MPP7: variants seen among roughly 807,000 people sequenced by gnomAD.
MPP7 encodes the protein MAGUK p55 scaffold protein 7.
Under a neutral mutation model 76.5 loss-of-function variants are expected in MPP7, and 60 were observed. The observed-to-expected ratio is 0.78, with a 90% CI of 0.64 to 0.97. The LOEUF (loss-of-function observed/expected upper bound fraction) is 0.97, where lower values mean the gene tolerates loss of function less well. MPP7 is among the 50% of genes least tolerant of loss of function. The pLI, the probability that MPP7 is intolerant of heterozygous loss-of-function variation, is 0.00. For missense variants in MPP7, 641 were observed against 694.0 expected (o/e 0.92, Z 0.86); for synonymous variants, 237 against 244.5 (o/e 0.97, Z 0.29).
intron 1 of MPP7, among the ~76,000 whole-genome samples, chr10:28,293,023 C>A: frequency 1.4e-5 from 2 of 146,460 alleles, no homozygotes; most frequent in African/African-American, 2.5e-5. Flanking sequence ...GAAATATTTC[C>A]TACACAAGAC....
At chr10:28,196,050 T>C (rs936024814) in intron 3 of MPP7, among the ~76,000 whole-genome samples, 1 of 152,246 alleles carries the variant, frequency 6.6e-6, no homozygotes, top group Non-Finnish European at 1.5e-5. Context: ...AAATATTGCA[T>C]GGTTCACACT....
intron 5 of MPP7, among the ~76,000 whole-genome samples, chr10:28,141,860 A>G (rs1287523214): frequency 2.0e-5 from 3 of 152,158 alleles, no homozygotes; most frequent in Non-Finnish European, 4.4e-5. Flanking sequence ...GTATCATGCT[A>G]CAATTACTAA....
chr10:28,073,784 T>C (rs80182772), intron 12 of MPP7, among the ~76,000 whole-genome samples: 4,499 of 148,352 alleles, frequency 0.03, 215 homozygotes, highest in African/African-American at 0.11. Flanking sequence ...AAAAAAAATA[T>C]TTTTTTTTTA....
intron 11 of MPP7, among the ~76,000 whole-genome samples, chr10:28,109,714 C>T (rs1351002844): frequency 6.6e-6 from 1 of 151,660 alleles, no homozygotes; most frequent in Non-Finnish European, 1.5e-5. Context: ...GATCCTCCTC[C>T]GTGGCCAAGT....
intron 15 of MPP7, chr10:28,057,868 G>T: frequency 8.2e-7 from 1 of 1,222,952 alleles, no homozygotes; most frequent in Non-Finnish European, 1.0e-6. Context: ...TGAGGAAAAT[G>T]CTGTGGGCTG....
intron 1 of MPP7, among the ~76,000 whole-genome samples, chr10:28,296,649 A>G (rs1841043580): frequency 6.6e-6 from 1 of 152,254 alleles, no homozygotes. Context: ...CCTGACAAAT[A>G]GCTCCTAAAT....
At chr10:28,086,558 AT>A (rs1341249140) in intron 12 of MPP7, among the ~76,000 whole-genome samples, 2 of 152,290 alleles carry the variant, frequency 1.3e-5, no homozygotes, top group Admixed American at 1.3e-4. Context: ...TCATTCTATG[AT>A]TTTTGGCTGA....
Position 28,131,706 on chromosome 10 carries a change from G to C in MPP7, c.316-15C>G, listed in dbSNP as rs1564648565. 2 of 1,504,138 alleles carry C rather than the reference G, an allele frequency of 1.3e-6. No individual in the cohort carries two copies. Among genetic ancestry groups the C allele is most frequent in the African/African-American group, 1.4e-5 (1 of 71,876 alleles). The allele number at this position is 1,504,138 out of a possible 1,614,324, so 93.2% of individuals were successfully genotyped here. A position where few individuals can be genotyped will look rare whatever the true frequency, so the allele number is the denominator to read the frequency against. The stretch of plus-strand genomic sequence containing the variant: ...GAGAGCAAAGCCTGTAATATTCAAA[G>C]GTTGATTTAAATAAGTAAATATACA... On this transcript the variant is annotated splice_polypyrimidine_tract_variant and intron_variant, in intron 5 of 16. Coordinates refer to ENST00000683449, the MANE Select transcript of MPP7 (RefSeq NM_001318170.2).
At chr10:28,169,013 A>G (rs1042874832) in intron 3 of MPP7, among the ~76,000 whole-genome samples, 8 of 151,996 alleles carry the variant, frequency 5.3e-5, no homozygotes, top group Admixed American at 2.0e-4. Flanking sequence ...CAAGTCTGTA[A>G]CAAGGAGTTC....
chr10:28,314,467 G>A (rs1841307750), intron 2 of MPP7, among the ~76,000 whole-genome samples: 1 of 152,192 alleles, frequency 6.6e-6, no homozygotes, highest in African/African-American at 2.4e-5. Context: ...CCTGGAGTGG[G>A]CTTGATGAAA....
chr10:28,269,898 G>A (rs569664752), intron 1 of MPP7, among the ~76,000 whole-genome samples: 4 of 152,012 alleles, frequency 2.6e-5, no homozygotes, highest in Admixed American at 2.0e-4. Flanking sequence ...GCTTAAGATC[G>A]GGGTATTCTG....
At chr10:28,307,888 T>C (rs1841267923), upstream of MPP7, among the ~76,000 whole-genome samples, 1 of 152,150 alleles carries the variant, frequency 6.6e-6, no homozygotes, top group Non-Finnish European at 1.5e-5. Flanking sequence ...CATGCTTAAC[T>C]GGTGCATTGC....
chr10:28,100,628 AT>A (rs1265314131), intron 11 of MPP7, among the ~76,000 whole-genome samples: 1 of 152,196 alleles, frequency 6.6e-6, no homozygotes, highest in Non-Finnish European at 1.5e-5. Context: ...TAGAAAATTC[AT>A]CTCTGCAATG....
At chr10:28,060,425 A>G (rs1358232007) in intron 13 of MPP7, among the ~76,000 whole-genome samples, 1 of 152,224 alleles carries the variant, frequency 6.6e-6, no homozygotes, top group Non-Finnish European at 1.5e-5. Context: ...GGCAAATGTA[A>G]ACCCACTACA....
chr10:28,209,909 C>T (rs1015322879), intron 2 of MPP7, among the ~76,000 whole-genome samples: 1 of 152,194 alleles, frequency 6.6e-6, no homozygotes, highest in Non-Finnish European at 1.5e-5. Flanking sequence ...AGAAGATCTG[C>T]TCTCACCAAC....
intron 5 of MPP7, among the ~76,000 whole-genome samples, chr10:28,138,229 G>C (rs774836570): frequency 6.6e-6 from 1 of 152,192 alleles, no homozygotes; most frequent in Non-Finnish European, 1.5e-5. Context: ...GACTCATACA[G>C]TTTAATTTGC....
chr10:28,238,427 T>G, intron 2 of MPP7, 141 bp downstream of exon 2: 1 of 827,676 alleles, frequency 1.2e-6, no homozygotes, highest in Non-Finnish European at 1.9e-6. Flanking sequence ...AGGGCATCCC[T>G]GAGTTGATCT....
At chr10:28,237,641 C>T (rs1839121266) in intron 2 of MPP7, among the ~76,000 whole-genome samples, 1 of 152,062 alleles carries the variant, frequency 6.6e-6, no homozygotes, top group South Asian at 2.1e-4. Flanking sequence ...ATTATAGCAC[C>T]AGTCATTGTA....
intron 12 of MPP7, among the ~76,000 whole-genome samples, chr10:28,085,943 G>A (rs1368244976): frequency 6.6e-6 from 1 of 152,162 alleles, no homozygotes; most frequent in Non-Finnish European, 1.5e-5. Flanking sequence ...TATACACCAT[G>A]GAATACTATG....
Sources: gnomAD v4.1 joint callset for allele counts (sites outside exome capture counted in the v4.1 genomes callset) on GRCh38, gnomAD v4.1.1 for gene constraint, MANE v1.5 for transcripts, NCBI Gene and HGNC (gene_info 2026-07-23, HGNC 2026-07-21) for gene names.